The following ABCA13 variants were observed in gnomAD, a reference collection of about 807,000 sequenced individuals.
ABCA13 encodes ATP-binding cassette sub-family A member 13.
A neutral mutation model predicts 478.7 loss-of-function variants in ABCA13; 476 were observed. That is an observed-to-expected ratio of 0.99 (90% CI 0.92 to 1.07). ABCA13 has a LOEUF of 1.07. Among genes scored for constraint, ABCA13 ranks in the 50% least tolerant of loss-of-function variants. The pLI is 0.00. For synonymous variants in ABCA13, 2,252 were observed against 2,158.9 expected, an observed-to-expected ratio of 1.04 and a Z score of -1.20; for missense variants, 6,060 against 5,910.6, an observed-to-expected ratio of 1.03 and a Z score of -0.83.
chr7:48,272,425 T>C lies in ABCA13; in HGVS notation c.2759T>C (p.Val920Ala), dbSNP rs1405959961. 6.2e-7 allele frequency: 1 copy of C among 1,613,742 alleles called. No individual in the cohort carries two copies. The change falls in exon 17 of 62, where the codon GTC (valine) becomes GCC (alanine). Residue 920 changes from valine (V) to alanine (A), a missense_variant. Coordinates refer to ENST00000435803, the MANE Select transcript of ABCA13 (RefSeq NM_152701.5). ...CAGATCTCAGAAGCTCTGAACACAG[T>C]CTACGCTATCAGGAATGCATCTGAT... ...QEQISEALNT[V>A]YAIRNASDLF...
At chr7:48,192,166 G>T in intron 1 of ABCA13, among the ~76,000 whole-genome samples, 1 of 150,758 alleles carries the variant, frequency 6.6e-6, no homozygotes, top group East Asian at 1.9e-4. Flanking sequence ...TTAATTTTTT[G>T]GGCTATACCT....
chr7:48,531,627 T>C (rs890272652), intron 55 of ABCA13, among the ~76,000 whole-genome samples: 6 of 152,134 alleles, frequency 3.9e-5, no homozygotes, highest in African/African-American at 1.4e-4. Flanking sequence ...TCCATGAGCA[T>C]GGGATGTGTT....
intron 55 of ABCA13, among the ~76,000 whole-genome samples, chr7:48,550,239 C>T (rs543544017): frequency 6.6e-6 from 1 of 151,312 alleles, no homozygotes; most frequent in East Asian, 1.9e-4. Context: ...TTCTTCTTTA[C>T]CAAACTCTTT....
In ABCA13 at chr7:48,248,729, T is replaced by A. The variant is rs567170149; in HGVS notation, c.1865+285T>A. On this transcript the variant is annotated intron_variant, in intron 14 of 61. Transcript: ENST00000435803. The stretch of plus-strand genomic sequence containing the variant: ...TGCATGTGATGGAAGTTCTTGTTAA[T>A]TACTCAGAAATTGTGCACTAAGTAC... Among the ~76,000 whole-genome samples the A allele has an allele frequency of 6.6e-5, 10 of 152,314 alleles. No homozygotes were observed. The East Asian group carries it at 1.7e-3, about 26-fold the overall frequency.
intron 55 of ABCA13, among the ~76,000 whole-genome samples, chr7:48,578,240 G>T (rs1788377483): frequency 1.3e-5 from 2 of 152,022 alleles, no homozygotes; most frequent in Non-Finnish European, 2.9e-5. Context: ...AGCAGAAAAG[G>T]GAGTTAAAAT....
chr7:48,552,684 A>C (rs1298780849), intron 55 of ABCA13, among the ~76,000 whole-genome samples: 1 of 150,818 alleles, frequency 6.6e-6, no homozygotes, highest in African/African-American at 2.4e-5. Flanking sequence ...AAGTTGTTTA[A>C]TTTTTAATAT....
At chr7:48,214,849 C>T (rs375370908) in intron 3 of ABCA13, among the ~76,000 whole-genome samples, 14 of 152,152 alleles carry the variant, frequency 9.2e-5, no homozygotes, top group African/African-American at 3.1e-4. Flanking sequence ...ACTTTCTTAT[C>T]ATTTGTGTTT....
intron 41 of ABCA13, among the ~76,000 whole-genome samples, chr7:48,414,112 G>C (rs1481924837): frequency 6.6e-6 from 1 of 152,200 alleles, no homozygotes; most frequent in Admixed American, 6.5e-5. Flanking sequence ...AAACACACAT[G>C]ATGAATAGGA....
intron 32 of ABCA13, among the ~76,000 whole-genome samples, chr7:48,368,241 AT>A (rs1811996814): frequency 6.6e-6 from 1 of 152,268 alleles, no homozygotes; most frequent in African/African-American, 2.4e-5. Flanking sequence ...TATGCTTAGA[AT>A]TTTTTATGTA....
chr7:48,497,686 G>A (rs888317561), intron 48 of ABCA13, among the ~76,000 whole-genome samples: 7 of 141,348 alleles, frequency 5.0e-5, no homozygotes, highest in Admixed American at 1.4e-4. Context: ...GGACCAGATC[G>A]CCCACCAGCC....
At position 48,410,552 on chromosome 7, in the gene ABCA13, G is replaced by T; in HGVS notation, c.12103G>T (p.Asp4035Tyr). 6.2e-7 allele frequency: 1 copy of T among 1,614,030 alleles called. No homozygotes were observed. Among genetic ancestry groups the T allele is most frequent in the Non-Finnish European group, 8.5e-7 (1 of 1,179,896 alleles). The change falls in exon 40 of 62, where the codon GAT becomes TAT. Residue 4035 changes from aspartate to tyrosine, a missense_variant. By Grantham distance (160) the Asp-to-Tyr change is radical. Around this residue, in one of 3 missense-constraint regions of ABCA13, gnomAD observed 1,627 missense variants for 1,571.0 expected, o/e 1.04. Coordinates refer to ENST00000435803, the MANE Select transcript of ABCA13 (RefSeq NM_152701.5). ...RTIIFTTHHL[D>Y]EAEALSDRVA... ...GATCATCTTCACAACCCACCACCTG[G>T]ATGAAGCTGAAGCGCTGAGTGACCG...
At chr7:48,350,404 GT>G (rs565784706) in intron 29 of ABCA13, among the ~76,000 whole-genome samples, 8 of 150,146 alleles carry the variant, frequency 5.3e-5, no homozygotes, top group South Asian at 4.2e-4. Context: ...TGCTTTAACT[GT>G]TTTTTTTTCA....
Position 48,297,244 on chromosome 7 carries a change from C to T in ABCA13, c.9132C>T (p.Ser3044=), listed in dbSNP as rs767264710. The change falls in exon 22 of 62, where the codon AGC becomes AGT. Residue 3044 remains serine, a synonymous_variant. Coordinates refer to ENST00000435803, the MANE Select transcript of ABCA13 (RefSeq NM_152701.5). The stretch of plus-strand genomic sequence containing the variant: ...TCTGCCATTTTAGGTTGGCCAAAAG[C>T]CTCGAGGAAACTTGGTCATCAGGGA... ...VQQHLYMLAK[S]LEETWSSGNP... is the part of the protein sequence containing the mutation. The T allele has an allele frequency of 5.6e-6, 9 of 1,605,274 alleles. No homozygotes were observed. Among genetic ancestry groups the T allele is most frequent in the Admixed American group, 3.4e-5 (2 of 59,026 alleles).
chr7:48,407,653 C>G (rs1585188327), intron 39 of ABCA13, among the ~76,000 whole-genome samples: 1 of 151,650 alleles, frequency 6.6e-6, no homozygotes, highest in Non-Finnish European at 1.5e-5. Context: ...GCCTCCTGGG[C>G]TCAAGCAATT....
intron 20 of ABCA13, among the ~76,000 whole-genome samples, chr7:48,289,297 G>A (rs1798181476): frequency 6.6e-6 from 1 of 150,638 alleles, no homozygotes; most frequent in South Asian, 2.1e-4. Flanking sequence ...TTATTTCCAG[G>A]TTGTGCAGAT....
intron 23 of ABCA13, among the ~76,000 whole-genome samples, chr7:48,304,994 A>G (rs1800691815): frequency 6.6e-6 from 1 of 152,162 alleles, no homozygotes; most frequent in African/African-American, 2.4e-5. Context: ...TAATCAATAA[A>G]CCCACCTAAT....
At position 48,552,106 on chromosome 7, in the gene ABCA13, A is replaced by G. The variant is rs1183696499; in HGVS notation, c.14354+23761A>G. ...TCATAGTTTTGTTTTTAATTTAAGA[A>G]AATAATTTTGGTTTCCTTGCAGTCC... is the stretch of plus-strand genomic sequence containing the variant. On this transcript the variant is annotated intron_variant, in intron 55 of 61. Transcript: ENST00000435803. 4.0e-5 allele frequency among the ~76,000 whole-genome samples: 6 copies of G among 151,754 alleles called. 1 individual carries two copies. Among genetic ancestry groups the G allele is most frequent in the Non-Finnish European group, 8.8e-5 (6 of 67,852 alleles).
chr7:48,256,636 C>T (rs1422936609), intron 15 of ABCA13, among the ~76,000 whole-genome samples: 1 of 151,846 alleles, frequency 6.6e-6, no homozygotes, highest in Non-Finnish European at 1.5e-5. Context: ...GGGCTCTGGG[C>T]TGTCTATTCT....
intron 27 of ABCA13, among the ~76,000 whole-genome samples, chr7:48,318,305 G>A (rs1015359967): frequency 2.0e-5 from 3 of 151,982 alleles, no homozygotes; most frequent in Non-Finnish European, 4.4e-5. Flanking sequence ...ACTCTGAATG[G>A]TATTTAAACT....
Sources: gnomAD v4.1 joint callset for allele counts (sites outside exome capture counted in the v4.1 genomes callset) on GRCh38, gnomAD v4.1.1 for gene constraint, gnomAD v4.1.1 regional missense constraint, MANE v1.5 for transcripts, NCBI Gene and HGNC (gene_info 2026-07-23, HGNC 2026-07-21) for gene names.